PKD2L2: variants seen among roughly 807,000 people sequenced by gnomAD.
The protein encoded by PKD2L2 is polycystin-2-like protein 2.
In PKD2L2, 67 loss-of-function variants were observed where a neutral mutation model predicts 83.9. The observed-to-expected ratio is 0.80, with a 90% CI of 0.66 to 0.98. The LOEUF (loss-of-function observed/expected upper bound fraction) is 0.98. Ranked by LOEUF, PKD2L2 falls within the 50% of genes least tolerant of loss-of-function variation. The pLI, the probability that PKD2L2 is intolerant of heterozygous loss-of-function variation, is 0.00. For missense variants in PKD2L2, 632 were observed against 717.2 expected (o/e 0.88, Z 1.36); for synonymous variants, 223 against 237.8 (o/e 0.94, Z 0.57).
At chr5:137,926,948 A>G (rs1226944675) in intron 12 of PKD2L2, among the ~76,000 whole-genome samples, 1 of 152,202 alleles carries the variant, frequency 6.6e-6, no homozygotes, top group Non-Finnish European at 1.5e-5. Context: ...CCAAAGGACA[A>G]CTATACAAGA....
chr5:137,900,427 G>T (rs1450229967), intron 5 of PKD2L2, among the ~76,000 whole-genome samples: 4 of 152,156 alleles, frequency 2.6e-5, no homozygotes, highest in African/African-American at 9.6e-5. Context: ...GATACTGGGG[G>T]TGCTCCCACA....
intron 8 of PKD2L2, among the ~76,000 whole-genome samples, chr5:137,916,891 T>C (rs1296484043): frequency 1.3e-5 from 2 of 152,178 alleles, no homozygotes; most frequent in Non-Finnish European, 2.9e-5. Flanking sequence ...TTGTATGTGA[T>C]GAGCTGTCAA....
chr5:137,915,194 A>G (rs1226731301), intron 8 of PKD2L2, among the ~76,000 whole-genome samples: 1 of 152,034 alleles, frequency 6.6e-6, no homozygotes. Context: ...GAAGATTGGC[A>G]TTAATTCTCT....
At position 137,894,532 on chromosome 5, in the gene PKD2L2, T is replaced by G. The variant is rs771918022; in HGVS notation, c.447T>G (p.Ser149=). Residue 149 remains serine (S), a synonymous_variant, in exon 4 of 15, where the codon TCT becomes TCG. Coordinates refer to ENST00000508883, the MANE Select transcript of PKD2L2 (RefSeq NM_001300921.2). ...GCAAAGTCTATTCATCTTTTCAGTCTTTGATGAGTGAATGTTATGGCAAAT... is the reference window on the plus strand; with the variant it reads ...GCAAAGTCTATTCATCTTTTCAGTCGTTGATGAGTGAATGTTATGGCAAAT... ...NTCKVYSSFQ[S]LMSECYGKYT... is the part of the protein sequence containing the mutation. 1.1e-5 allele frequency: 17 copies of G among 1,613,370 alleles called. No individual in the cohort carries two copies. In the African/African-American group the frequency reaches 2.3e-4, roughly 22 times the overall value.
intron 11 of PKD2L2, 44 bp from the exon 12 acceptor site, chr5:137,925,831 C>G (rs1759332991): frequency 4.0e-6 from 5 of 1,259,138 alleles, no homozygotes; most frequent in Non-Finnish European, 5.8e-6. Context: ...CATTTCCTTT[C>G]TTATTGTCAT....
At chr5:137,919,084 T>C (rs1758654923) in intron 8 of PKD2L2, among the ~76,000 whole-genome samples, 1 of 152,024 alleles carries the variant, frequency 6.6e-6, no homozygotes, top group South Asian at 2.1e-4. Flanking sequence ...AGTGACCCAA[T>C]CAATGACTTC....
chr5:137,901,011 C>A (rs1182597103), intron 5 of PKD2L2, among the ~76,000 whole-genome samples: 3 of 151,946 alleles, frequency 2.0e-5, no homozygotes, highest in African/African-American at 4.8e-5. Flanking sequence ...GTGGCACAGC[C>A]TGTAATCCCA....
intron 4 of PKD2L2, 44 bp from the exon 5 acceptor site, chr5:137,899,472 G>T: frequency 7.9e-7 from 1 of 1,265,650 alleles, no homozygotes; most frequent in Non-Finnish European, 1.1e-6. Flanking sequence ...ATACTTCTCA[G>T]TTGGGCTTTG....
intron 11 of PKD2L2, 121 bp downstream of exon 11, chr5:137,925,225 A>C: frequency 3.0e-6 from 2 of 658,122 alleles, no homozygotes; most frequent in Admixed American, 2.7e-5. Flanking sequence ...ATGGGGTTTC[A>C]CCATGTTGGT....
chr5:137,933,062 A>AC (rs1760013380), intron 12 of PKD2L2, among the ~76,000 whole-genome samples: 1 of 151,576 alleles, frequency 6.6e-6, no homozygotes, highest in African/African-American at 2.4e-5. Flanking sequence ...AAAAAAAAAA[A>AC]AAAACCCACG....
At chr5:137,923,687 C>T (rs562701797) in intron 10 of PKD2L2, among the ~76,000 whole-genome samples, 166 bp downstream of exon 10, 19 of 152,242 alleles carry the variant, frequency 1.2e-4, no homozygotes, top group African/African-American at 3.9e-4. Flanking sequence ...TACTCATATT[C>T]GCATTATTTC....
At chr5:137,921,437 A>G (rs1386881609) in intron 8 of PKD2L2, among the ~76,000 whole-genome samples, 199 bp from the exon 9 acceptor site, 1 of 151,874 alleles carries the variant, frequency 6.6e-6, no homozygotes, top group Non-Finnish European at 1.5e-5. Flanking sequence ...TTACCTATTC[A>G]GCTATCGAGG....
intron 12 of PKD2L2, among the ~76,000 whole-genome samples, chr5:137,935,526 A>G (rs1431493920): frequency 6.6e-6 from 1 of 152,232 alleles, no homozygotes; most frequent in Non-Finnish European, 1.5e-5. Flanking sequence ...TGGAGATGCT[A>G]AAGGGAAAAG....
At chr5:137,917,043 A>G (rs1037276364) in intron 8 of PKD2L2, among the ~76,000 whole-genome samples, 4 of 151,520 alleles carry the variant, frequency 2.6e-5, no homozygotes, top group African/African-American at 9.7e-5. Flanking sequence ...TTTGGCCATC[A>G]TTTCTTCAAA....
chr5:137,916,614 G>GAT (rs974169100), intron 8 of PKD2L2, among the ~76,000 whole-genome samples: 1 of 150,512 alleles, frequency 6.6e-6, no homozygotes, highest in Non-Finnish European at 1.5e-5. Flanking sequence ...CAAGTAGCTA[G>GAT]AGTTACAGAT....
chr5:137,911,667 A>G (rs1757848925), intron 8 of PKD2L2, among the ~76,000 whole-genome samples: 1 of 152,212 alleles, frequency 6.6e-6, no homozygotes, highest in Non-Finnish European at 1.5e-5. Context: ...TTTTTGTGGT[A>G]AGAACATTTA....
At chr5:137,899,153 C>G (rs1255913501) in intron 4 of PKD2L2, among the ~76,000 whole-genome samples, 1 of 152,082 alleles carries the variant, frequency 6.6e-6, no homozygotes, top group African/African-American at 2.4e-5. Context: ...AGGTCTGGCT[C>G]TTTGCCTGGG....
At chr5:137,905,287 C>T (rs1479945594) in intron 5 of PKD2L2, among the ~76,000 whole-genome samples, 1 of 151,772 alleles carries the variant, frequency 6.6e-6, no homozygotes, top group Admixed American at 6.6e-5. Context: ...ACACCTTATC[C>T]GTTTATTTTC....
intron 12 of PKD2L2, among the ~76,000 whole-genome samples, chr5:137,927,734 T>C (rs995498078): frequency 3.9e-5 from 6 of 152,208 alleles, no homozygotes; most frequent in Non-Finnish European, 8.8e-5. Flanking sequence ...TCTTGTAACT[T>C]GTATCTAAAT....
Sources: allele counts gnomAD v4.1 joint callset (sites outside exome capture counted in the v4.1 genomes callset), GRCh38; gene constraint gnomAD v4.1.1; transcripts MANE v1.5; gene names NCBI Gene and HGNC (gene_info 2026-07-23, HGNC 2026-07-21).